The following MAGI2 variants were observed in gnomAD, a reference collection of about 807,000 sequenced individuals.
MAGI2 encodes membrane associated guanylate kinase, WW and PDZ domain containing 2.
A neutral mutation model predicts 133.3 loss-of-function variants in MAGI2; 35 were observed. The ratio of observed to expected loss-of-function variants is 0.26; its 90% CI spans 0.20 to 0.35. MAGI2 has a LOEUF of 0.35. Among genes scored for constraint, MAGI2 ranks in the 10% least tolerant of loss-of-function variants. The pLI is 1.00. For missense variants in MAGI2, 1,636 were observed against 1,863.4 expected, an observed-to-expected ratio of 0.88 and a Z score of 2.25; for synonymous variants, 729 against 710.6, an observed-to-expected ratio of 1.03 and a Z score of -0.41.
chr7:79,254,736 C>T (rs557820055), intron 1 of MAGI2, among the ~76,000 whole-genome samples: 1 of 152,312 alleles, frequency 6.6e-6, no homozygotes, highest in African/African-American at 2.4e-5. Context: ...TTAATTATTA[C>T]AGATGTGTTG....
At chr7:79,251,783 T>A (rs1222924830) in intron 1 of MAGI2, among the ~76,000 whole-genome samples, 1 of 152,116 alleles carries the variant, frequency 6.6e-6, no homozygotes, top group Non-Finnish European at 1.5e-5. Flanking sequence ...ACATCTGCAT[T>A]CCCACGTTTA....
chr7:78,499,024 A>G (rs546041234), intron 5 of MAGI2, among the ~76,000 whole-genome samples: 18 of 149,282 alleles, frequency 1.2e-4, no homozygotes, highest in African/African-American at 4.5e-4. Context: ...CCTTCCCTCC[A>G]ACATTAGGAA....
At chr7:78,467,926 C>A (rs966529630) in intron 6 of MAGI2, among the ~76,000 whole-genome samples, 1 of 152,094 alleles carries the variant, frequency 6.6e-6, no homozygotes, top group African/African-American at 2.4e-5. Context: ...AAAAACATAT[C>A]TCTAGAATAC....
At chr7:78,813,170 A>C (rs1789225083) in intron 2 of MAGI2, among the ~76,000 whole-genome samples, 1 of 152,234 alleles carries the variant, frequency 6.6e-6, no homozygotes, top group South Asian at 2.1e-4. Flanking sequence ...TATTCCAGAA[A>C]GTACAATAGG....
intron 9 of MAGI2, among the ~76,000 whole-genome samples, chr7:78,288,306 CCTT>C (rs1020726738): frequency 2.0e-5 from 3 of 152,078 alleles, no homozygotes; most frequent in Non-Finnish European, 2.9e-5. Context: ...AATCATACCT[CCTT>C]CTAAATTTAA....
At position 79,453,610 on chromosome 7, in the gene MAGI2, TCGG is replaced by T. The variant is rs922819183; in HGVS notation, c.-293_-291del. 4.7e-4 allele frequency: 474 copies of T among 1,010,788 alleles called. No individual in the cohort carries two copies. Among genetic ancestry groups the T allele is most frequent in the Middle Eastern group, 1.4e-3 (3 of 2,120 alleles). 62.6% of individuals were successfully genotyped at this position (1,010,788 alleles called of 1,614,324 possible). On this transcript the variant is annotated 5_prime_UTR_variant, in exon 1 of 22. Transcript: ENST00000354212. ...AGCAGAGGAAGCAGTGGTGGTGGCG[TCGG>T]CGGCGGCGGCGGCGGCAGCCGGAGC...
chr7:78,428,167 A>T lies in MAGI2; in HGVS notation c.1046-58954T>A, dbSNP rs187919299. 2.6e-3 allele frequency among the ~76,000 whole-genome samples: 390 copies of T among 152,332 alleles called. 10 individuals are homozygous for T. The highest frequency in any genetic ancestry group is 2.1e-3 in the African/African-American group (89 of 41,576). On this transcript the variant is annotated intron_variant, in intron 6 of 21. Coordinates refer to ENST00000354212, the MANE Select transcript of MAGI2 (RefSeq NM_012301.4). ...ACTTCAGGCGAGGACAGAAAAGAGG[A>T]CAAGTTTATGGAAAGCCAGTGAAGT...
chr7:78,285,470 G>A (rs1159035719), intron 9 of MAGI2, among the ~76,000 whole-genome samples: 1 of 152,044 alleles, frequency 6.6e-6, no homozygotes, highest in Admixed American at 6.6e-5. Flanking sequence ...TTTTATCCTT[G>A]TTATGTGCCA....
chr7:78,636,625 CG>C (rs1164506226), intron 2 of MAGI2, among the ~76,000 whole-genome samples: 1 of 151,920 alleles, frequency 6.6e-6, no homozygotes, highest in Non-Finnish European at 1.5e-5. Flanking sequence ...GGTGAAACCC[CG>C]TCTCCACTAA....
At chr7:79,307,537 A>G (rs1837922678) in intron 1 of MAGI2, among the ~76,000 whole-genome samples, 1 of 152,156 alleles carries the variant, frequency 6.6e-6, no homozygotes, top group Non-Finnish European at 1.5e-5. Context: ...CTATGGGAAA[A>G]TGGTTTCCCT....
intron 6 of MAGI2, among the ~76,000 whole-genome samples, chr7:78,445,631 C>T (rs2151469798): frequency 6.6e-6 from 1 of 152,126 alleles, no homozygotes; most frequent in Admixed American, 6.6e-5. Context: ...GCACTTATTC[C>T]TCCTGAAACG....
chr7:78,859,072 T>G (rs1178172937), intron 2 of MAGI2, among the ~76,000 whole-genome samples: 1 of 152,156 alleles, frequency 6.6e-6, no homozygotes, highest in Non-Finnish European at 1.5e-5. Flanking sequence ...CTGCTTTTTT[T>G]TTTGTTTTCC....
intron 2 of MAGI2, among the ~76,000 whole-genome samples, chr7:78,647,048 C>A (rs1425014663): frequency 6.6e-6 from 1 of 152,098 alleles, no homozygotes; most frequent in Non-Finnish European, 1.5e-5. Context: ...AATACATAAA[C>A]ATATTGACCA....
At chr7:78,764,281 C>T (rs763643760) in intron 2 of MAGI2, among the ~76,000 whole-genome samples, 1 of 151,536 alleles carries the variant, frequency 6.6e-6, no homozygotes, top group African/African-American at 2.4e-5. Flanking sequence ...TTTAAAAGCA[C>T]CTCTGACAGA....
At chr7:78,269,701 T>C (rs900536656) in intron 9 of MAGI2, among the ~76,000 whole-genome samples, 9 of 152,190 alleles carry the variant, frequency 5.9e-5, no homozygotes, top group African/African-American at 2.2e-4. Context: ...TTGCAAAAAT[T>C]TTCTCCCATT....
At chr7:78,444,459 C>T (rs1278805331) in intron 6 of MAGI2, among the ~76,000 whole-genome samples, 3 of 152,046 alleles carry the variant, frequency 2.0e-5, no homozygotes, top group African/African-American at 7.2e-5. Flanking sequence ...ACCCAGCAAT[C>T]TTTTTCTGTT....
At chr7:79,070,992 G>A (rs762980777) in intron 1 of MAGI2, among the ~76,000 whole-genome samples, 15 of 152,072 alleles carry the variant, frequency 9.9e-5, no homozygotes, top group Admixed American at 3.3e-4. Context: ...CTTTGCTGGC[G>A]AGGAGTTGTG....
At chr7:78,816,684 A>G (rs1460320324) in intron 2 of MAGI2, among the ~76,000 whole-genome samples, 1 of 152,184 alleles carries the variant, frequency 6.6e-6, no homozygotes, top group African/African-American at 2.4e-5. Context: ...TCTTTTTACA[A>G]CATGGGTTAC....
intron 1 of MAGI2, among the ~76,000 whole-genome samples, chr7:79,299,391 A>T (rs1034349992): frequency 2.0e-5 from 3 of 151,776 alleles, no homozygotes; most frequent in Admixed American, 2.0e-4. Context: ...GATGGCCTGG[A>T]AATGTAAGTT....
Sources: allele counts gnomAD v4.1 joint callset (sites outside exome capture counted in the v4.1 genomes callset), GRCh38; gene constraint gnomAD v4.1.1; transcripts MANE v1.5; gene names NCBI Gene and HGNC (gene_info 2026-07-23, HGNC 2026-07-21).